The following DNM3 variants were observed in gnomAD, a reference collection of about 807,000 sequenced individuals.
DNM3 encodes dynamin-3.
In DNM3, 47 loss-of-function variants were observed where a neutral mutation model predicts 101.6. That is an observed-to-expected ratio of 0.46 (90% confidence interval 0.37 to 0.59). DNM3 has a LOEUF of 0.59. DNM3 is among the 20% of genes least tolerant of loss of function. The probability of loss-of-function intolerance (pLI) is 0.00; values close to 1 mark genes in which losing one functional copy is unlikely to be tolerated. For synonymous variants in DNM3, 385 were observed against 387.9 expected, an observed-to-expected ratio of 0.99 and a Z score of 0.09; for missense variants, 849 against 1,085.7, an observed-to-expected ratio of 0.78 and a Z score of 3.06.
Position 172,273,984 on chromosome 1 carries a change from A to T in DNM3, c.1769+20302A>T, listed in dbSNP as rs79061468. Among the ~76,000 whole-genome samples the T allele has an allele frequency of 2.2e-3, 339 of 152,160 alleles. 1 individual carries two copies. Among genetic ancestry groups the T allele is most frequent in the African/African-American group, 6.6e-3 (274 of 41,534 alleles). ...GGGGGGTGTGCTTATTGCATAAGTA[A>T]GTCTGTTGGATGTTTCTCTTACTTG... On this transcript the variant is annotated intron_variant, in intron 15 of 20. Coordinates refer to ENST00000627582, the MANE Select transcript of DNM3 (RefSeq NM_015569.5).
intron 1 of DNM3, among the ~76,000 whole-genome samples, chr1:171,899,730 A>G (rs1468332748): frequency 6.6e-6 from 1 of 152,236 alleles, no homozygotes; most frequent in Non-Finnish European, 1.5e-5. Context: ...ATACCCAAGA[A>G]TTAATTAGAC....
intron 10 of DNM3, among the ~76,000 whole-genome samples, chr1:172,062,497 A>G (rs1375391504): frequency 4.6e-5 from 7 of 152,256 alleles, no homozygotes; most frequent in East Asian, 1.9e-4. Flanking sequence ...TCTCTGTTTA[A>G]AAGTTTTTCC....
At position 172,362,550 on chromosome 1, in the gene DNM3, G is replaced by A. The variant is rs566336646; in HGVS notation, c.1894-16468G>A. On this transcript the variant is annotated intron_variant, in intron 17 of 20. Transcript: ENST00000627582. ...TCTCATTTGTTTGTTGTTATTTCTA[G>A]TGTCTTTAGTCTTTTGCCTTCTGGC... Among the ~76,000 whole-genome samples, 10 of 152,042 alleles carry A rather than the reference G, an allele frequency of 6.6e-5. No individual in the cohort carries two copies. In the South Asian group the frequency reaches 2.1e-3, roughly 32 times the overall value.
chr1:172,144,735 T>A (rs1180295334), intron 14 of DNM3: 2 of 403,696 alleles, frequency 5.0e-6, no homozygotes, highest in Non-Finnish European at 5.1e-6. Context: ...TGAATTCTGC[T>A]GCGCTGACTG....
intron 1 of DNM3, among the ~76,000 whole-genome samples, chr1:171,889,138 C>T (rs2037037072): frequency 2.0e-5 from 3 of 152,064 alleles, no homozygotes; most frequent in Non-Finnish European, 4.4e-5. Context: ...GACCACCATG[C>T]CCGGCTAATT....
At chr1:171,960,955 G>C (rs1033539344) in intron 2 of DNM3, among the ~76,000 whole-genome samples, 13 of 152,118 alleles carry the variant, frequency 8.5e-5, no homozygotes, top group African/African-American at 2.9e-4. Flanking sequence ...TGAGTTGGAA[G>C]TAGTAGTGGA....
At chr1:172,282,776 GTCAGTATAGTTCA>G (rs750454189) in intron 15 of DNM3, among the ~76,000 whole-genome samples, 1 of 152,182 alleles carries the variant, frequency 6.6e-6, no homozygotes, top group Non-Finnish European at 1.5e-5. Context: ...TTCCTTGTTT[GTCAGTATAGTTCA>G]TCAGTCTTCT....
intron 14 of DNM3, among the ~76,000 whole-genome samples, chr1:172,151,979 G>A (rs1369904896): frequency 2.0e-5 from 3 of 152,110 alleles, no homozygotes; most frequent in Admixed American, 2.0e-4. Context: ...GGGCTCAAGT[G>A]ATACTCCTAC....
At chr1:172,078,687 C>G (rs897674082) in intron 11 of DNM3, among the ~76,000 whole-genome samples, 5 of 152,086 alleles carry the variant, frequency 3.3e-5, no homozygotes, top group Admixed American at 2.6e-4. Context: ...GGTTATTTTG[C>G]CCATTAGTTG....
intron 2 of DNM3, among the ~76,000 whole-genome samples, chr1:171,947,848 C>A (rs572723636): frequency 2.6e-5 from 4 of 152,164 alleles, no homozygotes; most frequent in African/African-American, 4.8e-5. Flanking sequence ...TGTTTAATAT[C>A]GCAAAGGTCT....
rs568785952 is a variant in DNM3, at chr1:172,271,790, A to G, written c.1769+18108A>G. Among the ~76,000 whole-genome samples, 11 of 152,282 alleles carry G rather than the reference A, an allele frequency of 7.2e-5. 1 individual carries two copies. The South Asian group carries it at 2.1e-3, about 29-fold the overall frequency. ...TACTTATGAATGATTTTGTAACATC[A>G]TACATTTGTCATTTGGAAAACATTG... On this transcript the variant is annotated intron_variant, in intron 15 of 20. Coordinates refer to ENST00000627582, the MANE Select transcript of DNM3 (RefSeq NM_015569.5).
chr1:172,080,334 A>C (rs2053039284), intron 11 of DNM3, among the ~76,000 whole-genome samples: 1 of 152,148 alleles, frequency 6.6e-6, no homozygotes, highest in South Asian at 2.1e-4. Flanking sequence ...GAGAGGAGGA[A>C]CCTAGGGAGG....
intron 16 of DNM3, among the ~76,000 whole-genome samples, chr1:172,316,871 G>A (rs1273771893): frequency 1.3e-5 from 2 of 152,130 alleles, no homozygotes; most frequent in Admixed American, 1.3e-4. Flanking sequence ...ATTGAACTCA[G>A]CTCTGCACCA....
chr1:171,900,816 T>G (rs2038244635), intron 1 of DNM3, among the ~76,000 whole-genome samples: 2 of 152,052 alleles, frequency 1.3e-5, no homozygotes, highest in South Asian at 4.1e-4. Flanking sequence ...ATTGATACTT[T>G]GAAATGTATG....
At chr1:172,203,134 ATAT>A (rs1405915814) in intron 14 of DNM3, among the ~76,000 whole-genome samples, 1 of 152,186 alleles carries the variant, frequency 6.6e-6, no homozygotes, top group Non-Finnish European at 1.5e-5. Context: ...CTGTAATTAA[ATAT>A]TATGTTCAGG....
At chr1:172,305,933 T>A (rs1055522468) in intron 15 of DNM3, among the ~76,000 whole-genome samples, 2 of 152,224 alleles carry the variant, frequency 1.3e-5, no homozygotes, top group African/African-American at 4.8e-5. Context: ...TCATAGTGAA[T>A]GGGCAAAAAC....
chr1:172,042,239 T>A, intron 8 of DNM3, 95 bp downstream of exon 8: 1 of 1,231,620 alleles, frequency 8.1e-7, no homozygotes, highest in Non-Finnish European at 1.1e-6. Context: ...GGTATAGAAC[T>A]AACATAGTTC....
chr1:172,412,037 C>A lies in DNM3; in HGVS notation c.*4196C>A. The A allele has an allele frequency of 2.1e-6, 2 of 971,400 alleles. No individual in the cohort carries two copies. Among genetic ancestry groups the A allele is most frequent in the Non-Finnish European group, 2.4e-6 (2 of 822,788 alleles). 60.2% of individuals were successfully genotyped at this position (971,400 alleles called of 1,614,324 possible). A position where few individuals can be genotyped will look rare whatever the true frequency, so the allele number is the denominator to read the frequency against. On this transcript the variant is annotated 3_prime_UTR_variant, in exon 21 of 21. Transcript: ENST00000627582. ...TGAAGCATATGTAATATATGCACTG[C>A]TATTTGTGTGTGTGTGTGTGTCTTT... is the stretch of plus-strand genomic sequence containing the variant.
At chr1:172,383,886 G>A (rs549960735) in intron 18 of DNM3, among the ~76,000 whole-genome samples, 1 of 152,246 alleles carries the variant, frequency 6.6e-6, no homozygotes, top group South Asian at 2.1e-4. Flanking sequence ...ACCATACAGA[G>A]ATGTATAGGT....
Sources: gnomAD v4.1 joint callset for allele counts (sites outside exome capture counted in the v4.1 genomes callset) on GRCh38, gnomAD v4.1.1 for gene constraint, MANE v1.5 for transcripts, NCBI Gene and HGNC (gene_info 2026-07-23, HGNC 2026-07-21) for gene names.